Variants in SLC16A10 observed in about 807,000 individuals in gnomAD.
SLC16A10 encodes monocarboxylate transporter 10.
SLC16A10 carries 27 observed loss-of-function variants against 40.0 expected under a neutral mutation model. The observed-to-expected ratio is 0.67, with a 90% confidence interval of 0.50 to 0.93. The LOEUF is 0.93. Ranked by LOEUF, SLC16A10 falls within the 40% of genes least tolerant of loss-of-function variation. SLC16A10 has a pLI of 0.00. For synonymous variants in SLC16A10, 213 were observed against 249.8 expected (o/e 0.85, Z 1.39); for missense variants, 529 against 658.2 (o/e 0.80, Z 2.15).
chr6:111,091,935 A>C (rs1185936157), intron 1 of SLC16A10, among the ~76,000 whole-genome samples: 2 of 152,190 alleles, frequency 1.3e-5, no homozygotes, highest in African/African-American at 4.8e-5. Flanking sequence ...GTAGCTTAGG[A>C]TCTGTTGTGG....
At chr6:111,097,282 G>A (rs1333872785) in intron 1 of SLC16A10, among the ~76,000 whole-genome samples, 1 of 151,992 alleles carries the variant, frequency 6.6e-6, no homozygotes, top group East Asian at 1.9e-4. Context: ...CCAAAATTTT[G>A]TCAAGCTTTA....
chr6:111,136,644 C>T (rs1771882496), intron 1 of SLC16A10, among the ~76,000 whole-genome samples: 1 of 152,230 alleles, frequency 6.6e-6, no homozygotes, highest in African/African-American at 2.4e-5. Context: ...ATTGCTCAAA[C>T]CTACGCCGCT....
At position 111,225,011 on chromosome 6, in the gene SLC16A10, C is replaced by T. The variant is rs947831210; in HGVS notation, c.*2776C>T. ...AAAAGCATGAAAGGGAGTAACATTC[C>T]TTTTTATAGATACTCTAGATTGGAT... On this transcript the variant is annotated 3_prime_UTR_variant, in exon 6 of 6. Transcript: ENST00000368851. 2 of 152,130 alleles carry T rather than the reference C, an allele frequency of 1.3e-5. No individual in the cohort carries two copies. Among genetic ancestry groups the T allele is most frequent in the Non-Finnish European group, 2.9e-5 (2 of 68,008 alleles). The allele number at this position is 152,130 out of a possible 1,614,324, so 9.4% of individuals were successfully genotyped here.
At chr6:111,158,582 A>G (rs1016386843) in intron 1 of SLC16A10, among the ~76,000 whole-genome samples, 25 of 151,848 alleles carry the variant, frequency 1.6e-4, no homozygotes, top group Admixed American at 3.3e-4. Context: ...CTCACCTACC[A>G]CTCACCTCCT....
At chr6:111,124,520 A>C (rs1291746888) in intron 1 of SLC16A10, among the ~76,000 whole-genome samples, 1 of 151,952 alleles carries the variant, frequency 6.6e-6, no homozygotes, top group Non-Finnish European at 1.5e-5. Flanking sequence ...GCACCACCAC[A>C]CCCAGCTAAT....
chr6:111,211,022 CAAA>C (rs36044806), intron 4 of SLC16A10, among the ~76,000 whole-genome samples: 4 of 119,568 alleles, frequency 3.3e-5, no homozygotes, highest in African/African-American at 6.9e-5. Context: ...GACTCCGTCT[CAAA>C]AAAAAAAAAA....
intron 3 of SLC16A10, among the ~76,000 whole-genome samples, chr6:111,202,884 CAAAAAAAAA>C (rs567667458): frequency 1.2e-4 from 10 of 86,308 alleles, no homozygotes; most frequent in Admixed American, 3.9e-4. Context: ...GAGACTCCAT[CAAAAAAAAA>C]AAAAAAAAAA....
chr6:111,165,304 T>C (rs1249799593), intron 1 of SLC16A10, among the ~76,000 whole-genome samples: 1 of 152,190 alleles, frequency 6.6e-6, no homozygotes, highest in Non-Finnish European at 1.5e-5. Context: ...CTTCCATTTT[T>C]TCCAGGGAGT....
intron 1 of SLC16A10, among the ~76,000 whole-genome samples, chr6:111,118,771 A>G (rs1193298327): frequency 6.6e-6 from 1 of 150,788 alleles, no homozygotes; most frequent in Non-Finnish European, 1.5e-5. Flanking sequence ...GACTCAAAGC[A>G]GTTGAGAATA....
At chr6:111,214,797 CAACTTGCAGTCAGGGA>C (rs1773395486) in intron 4 of SLC16A10, among the ~76,000 whole-genome samples, 1 of 152,070 alleles carries the variant, frequency 6.6e-6, no homozygotes. Flanking sequence ...GAGAAAAGGA[CAACTTGCAGTCAGGGA>C]AAGTATTAAG....
At chr6:111,127,156 C>T (rs1011717537) in intron 1 of SLC16A10, among the ~76,000 whole-genome samples, 1 of 152,176 alleles carries the variant, frequency 6.6e-6, no homozygotes, top group Non-Finnish European at 1.5e-5. Context: ...AGGGTGCTTA[C>T]TCTGATGGAA....
At chr6:111,159,731 T>TA (rs1772337202) in intron 1 of SLC16A10, among the ~76,000 whole-genome samples, 1 of 152,246 alleles carries the variant, frequency 6.6e-6, no homozygotes. Flanking sequence ...TGAACTGCTT[T>TA]CCAAAGTGTT....
chr6:111,215,414 T>TA (rs34294985), intron 4 of SLC16A10, among the ~76,000 whole-genome samples: 306 of 128,082 alleles, frequency 2.4e-3, no homozygotes, highest in Non-Finnish European at 3.5e-3. Flanking sequence ...GTACTGGTGT[T>TA]AAAAAAAAAA....
At chr6:111,167,669 G>C (rs1772502753) in intron 1 of SLC16A10, among the ~76,000 whole-genome samples, 1 of 151,782 alleles carries the variant, frequency 6.6e-6, no homozygotes, top group African/African-American at 2.4e-5. Flanking sequence ...ATGTGAGAGA[G>C]AGAGAGAGAA....
intron 1 of SLC16A10, among the ~76,000 whole-genome samples, chr6:111,167,520 G>A (rs1772497476): frequency 6.6e-6 from 1 of 152,114 alleles, no homozygotes; most frequent in Non-Finnish European, 1.5e-5. Context: ...TCTGCAAATA[G>A]ACTGTTAACT....
chr6:111,100,990 CTCTATATA>C (rs1230640181), intron 1 of SLC16A10, among the ~76,000 whole-genome samples: 755 of 70,924 alleles, frequency 0.011, 1 homozygote, highest in African/African-American at 0.017. Context: ...CTCTCTCTCT[CTCTATATA>C]TATATATATA....
At chr6:111,166,311 C>T (rs184662952) in intron 1 of SLC16A10, among the ~76,000 whole-genome samples, 131 of 121,364 alleles carry the variant, frequency 1.1e-3, no homozygotes, top group Non-Finnish European at 2.2e-3. Context: ...CAATTTTAAG[C>T]CAAGCAGTTT....
chr6:111,182,403 A>G (rs1452609426), intron 3 of SLC16A10, among the ~76,000 whole-genome samples: 1 of 131,656 alleles, frequency 7.6e-6, no homozygotes, highest in Non-Finnish European at 1.5e-5. Flanking sequence ...TTTTCTGCCT[A>G]CCTCCACATC....
At chr6:111,180,836 C>T (rs954683678) in intron 3 of SLC16A10, among the ~76,000 whole-genome samples, 2 of 152,062 alleles carry the variant, frequency 1.3e-5, no homozygotes, top group African/African-American at 4.8e-5. Context: ...AAAGAAGTAA[C>T]TTGCTTGAGG....
Sources: allele counts gnomAD v4.1 joint callset (sites outside exome capture counted in the v4.1 genomes callset), GRCh38; gene constraint gnomAD v4.1.1; transcripts MANE v1.5; gene names NCBI Gene and HGNC (gene_info 2026-07-23, HGNC 2026-07-21).